Variants in SORCS3 observed in about 807,000 individuals in gnomAD.
SORCS3 encodes VPS10 domain-containing receptor SorCS3.
Under a neutral mutation model 146.3 loss-of-function variants are expected in SORCS3, and 57 were observed. That is an observed-to-expected ratio of 0.39 (90% confidence interval 0.31 to 0.49). The LOEUF (loss-of-function observed/expected upper bound fraction) is 0.49. SORCS3 is among the 20% of genes least tolerant of loss of function. The pLI is 0.92. For missense variants in SORCS3, 1,341 were observed against 1,575.5 expected (o/e 0.85, Z 2.52); for synonymous variants, 653 against 618.5 (o/e 1.06, Z -0.83).
chr10:104,779,626 A>G (rs1394502706), intron 1 of SORCS3, among the ~76,000 whole-genome samples: 3 of 152,152 alleles, frequency 2.0e-5, no homozygotes, highest in East Asian at 3.8e-4. Context: ...CCCTGGAAAC[A>G]ATGACTTCTC....
intron 1 of SORCS3, among the ~76,000 whole-genome samples, chr10:104,686,795 C>T (rs184743877): frequency 1.4e-4 from 22 of 152,174 alleles, no homozygotes; most frequent in Middle Eastern, 3.4e-3. Context: ...ACCACAAACC[C>T]ACCCCGTCTC....
intron 1 of SORCS3, among the ~76,000 whole-genome samples, chr10:104,713,730 A>T (rs1411492473): frequency 6.6e-6 from 1 of 152,188 alleles, no homozygotes; most frequent in Non-Finnish European, 1.5e-5. Context: ...TGTGTTCATG[A>T]GAGATAATTC....
rs563441203 is a variant in SORCS3 at position 105,199,206 on chromosome 10, G to A, written c.2010-793G>A. Among the ~76,000 whole-genome samples the A allele has an allele frequency of 7.9e-5, 12 of 151,772 alleles. No individual in the cohort carries two copies. In the East Asian group the frequency reaches 9.7e-4, roughly 12 times the overall value. On this transcript the variant is annotated intron_variant, in intron 14 of 26. Coordinates refer to ENST00000369701, the MANE Select transcript of SORCS3 (RefSeq NM_014978.3). ...ATTGTAATTGCAAGACACGCCACCCGAGTAGAGTATGGATGATCAGTCTTT... is the reference window on the plus strand; with the variant it reads ...ATTGTAATTGCAAGACACGCCACCCAAGTAGAGTATGGATGATCAGTCTTT...
intron 7 of SORCS3, among the ~76,000 whole-genome samples, chr10:105,120,711 C>T (rs187869994): frequency 2.2e-4 from 33 of 152,184 alleles, no homozygotes; most frequent in East Asian, 1.7e-3. Flanking sequence ...TCTCAGAGAA[C>T]GGTTCTGTAA....
intron 5 of SORCS3, among the ~76,000 whole-genome samples, chr10:105,085,777 C>T (rs1261135700): frequency 6.6e-6 from 1 of 151,958 alleles, no homozygotes; most frequent in Non-Finnish European, 1.5e-5. Context: ...AGAGCATTTC[C>T]CTGTTTGTGT....
chr10:105,253,992 G>A (rs966753049), intron 23 of SORCS3, among the ~76,000 whole-genome samples: 2 of 152,218 alleles, frequency 1.3e-5, no homozygotes, highest in African/African-American at 4.8e-5. Flanking sequence ...ATGAATAGCA[G>A]CTGTGATATT....
At chr10:104,691,486 CA>C (rs2016111236) in intron 1 of SORCS3, among the ~76,000 whole-genome samples, 2 of 152,336 alleles carry the variant, frequency 1.3e-5, no homozygotes, top group South Asian at 2.1e-4. Context: ...TTCATTCGCC[CA>C]ATGTGGGCCA....
chr10:104,937,700 G>A (rs996639925), intron 3 of SORCS3, among the ~76,000 whole-genome samples: 1 of 152,136 alleles, frequency 6.6e-6, no homozygotes, highest in Non-Finnish European at 1.5e-5. Flanking sequence ...CATTCCCCAT[G>A]GCTGAGTCAA....
chr10:105,189,512 G>A (rs1564780252), intron 14 of SORCS3, among the ~76,000 whole-genome samples: 1 of 152,212 alleles, frequency 6.6e-6, no homozygotes, highest in Admixed American at 6.5e-5. Flanking sequence ...AGAAAAGGCA[G>A]TGAAATCTGG....
chr10:104,652,559 C>A (rs2133240428), intron 1 of SORCS3, among the ~76,000 whole-genome samples: 1 of 152,304 alleles, frequency 6.6e-6, no homozygotes, highest in East Asian at 1.9e-4. Context: ...AGATTTGAGA[C>A]CAGATGCAGC....
At chr10:104,952,621 T>G (rs1179942698) in intron 3 of SORCS3, among the ~76,000 whole-genome samples, 1 of 152,218 alleles carries the variant, frequency 6.6e-6, no homozygotes, top group East Asian at 1.9e-4. Context: ...TTCCATTTTC[T>G]GCCTTGTGAC....
intron 16 of SORCS3, 111 bp from the exon 17 acceptor site, chr10:105,211,026 G>A (rs1286353827): frequency 6.0e-6 from 4 of 667,558 alleles, no homozygotes; most frequent in Admixed American, 4.3e-5. Context: ...TTAAAACAAT[G>A]TGTTATGACT....
At chr10:104,700,616 G>A (rs1337625517) in intron 1 of SORCS3, among the ~76,000 whole-genome samples, 1 of 152,072 alleles carries the variant, frequency 6.6e-6, no homozygotes, top group Non-Finnish European at 1.5e-5. Flanking sequence ...AAATGGAGTC[G>A]GGAGAGCAGT....
At chr10:104,680,712 G>A (rs1054924717) in intron 1 of SORCS3, among the ~76,000 whole-genome samples, 16 of 152,252 alleles carry the variant, frequency 1.1e-4, no homozygotes, top group African/African-American at 3.6e-4. Context: ...CCAAAATGCT[G>A]ACACGCGTTA....
intron 1 of SORCS3, among the ~76,000 whole-genome samples, chr10:104,825,044 A>G (rs2133531725): frequency 6.6e-6 from 1 of 152,340 alleles, no homozygotes; most frequent in South Asian, 2.1e-4. Context: ...GCATGCAGGG[A>G]GTTCCAGGCT....
intron 3 of SORCS3, among the ~76,000 whole-genome samples, chr10:104,931,498 T>C (rs1486175176): frequency 6.6e-6 from 1 of 152,142 alleles, no homozygotes; most frequent in Non-Finnish European, 1.5e-5. Context: ...CCTTTAAGGC[T>C]AAGTTGTACT....
intron 4 of SORCS3, among the ~76,000 whole-genome samples, chr10:105,002,223 G>C (rs2055066677): frequency 6.6e-6 from 1 of 152,160 alleles, no homozygotes; most frequent in Non-Finnish European, 1.5e-5. Flanking sequence ...ATGGGTGCCT[G>C]CATCGTGACA....
intron 2 of SORCS3, among the ~76,000 whole-genome samples, chr10:104,901,020 C>T (rs1300922950): frequency 2.0e-5 from 3 of 152,126 alleles, no homozygotes; most frequent in East Asian, 3.9e-4. Flanking sequence ...TTCTGTTGAC[C>T]TTCCAATACT....
chr10:105,257,361 C>T (rs2056937670), intron 25 of SORCS3, among the ~76,000 whole-genome samples: 1 of 152,132 alleles, frequency 6.6e-6, no homozygotes. Flanking sequence ...CCTCCTGTTG[C>T]AGCTATTCAG....
Sources: gnomAD v4.1 joint callset for allele counts (sites outside exome capture counted in the v4.1 genomes callset) on GRCh38, gnomAD v4.1.1 for gene constraint, MANE v1.5 for transcripts, NCBI Gene and HGNC (gene_info 2026-07-23, HGNC 2026-07-21) for gene names.